Variants in LRCH1 observed in about 807,000 individuals in gnomAD.
The protein encoded by LRCH1 is leucine-rich repeat and calponin homology domain-containing protein 1.
LRCH1 carries 23 observed loss-of-function variants against 94.9 expected under a neutral mutation model. The ratio of observed to expected loss-of-function variants is 0.24; its 90% confidence interval spans 0.17 to 0.34. The LOEUF is 0.34. Among genes scored for constraint, LRCH1 ranks in the 10% least tolerant of loss-of-function variants. LRCH1 has a pLI of 1.00. For missense variants in LRCH1, 790 were observed against 945.9 expected, an observed-to-expected ratio of 0.84 and a Z score of 2.16; for synonymous variants, 364 against 354.9, an observed-to-expected ratio of 1.03 and a Z score of -0.29.
Position 46,601,875 on chromosome 13 carries a change from C to T in LRCH1, c.307+48172C>T, listed in dbSNP as rs1296622902. On this transcript the variant is annotated intron_variant, in intron 1 of 19. Transcript: ENST00000389797. ...CTGCCTAACTCTTGATATCCAGTGACTGAGTTGGACTTTGTAGCTGCTTTC... is the reference window on the plus strand; with the variant it reads ...CTGCCTAACTCTTGATATCCAGTGATTGAGTTGGACTTTGTAGCTGCTTTC... Among the ~76,000 whole-genome samples the T allele has an allele frequency of 2.6e-5, 4 of 152,136 alleles. No individual in the cohort carries two copies. The South Asian group carries it at 6.2e-4, about 24-fold the overall frequency.
At chr13:46,671,032 G>C (rs558064143) in intron 3 of LRCH1, among the ~76,000 whole-genome samples, 4 of 152,158 alleles carry the variant, frequency 2.6e-5, no homozygotes, top group Non-Finnish European at 5.9e-5. Context: ...GGCCTTCTGT[G>C]GTCAGGCCCC....
intron 2 of LRCH1, among the ~76,000 whole-genome samples, chr13:46,668,227 A>G (rs2051547248): frequency 6.6e-6 from 1 of 152,006 alleles, no homozygotes; most frequent in Non-Finnish European, 1.5e-5. Context: ...TTTATCTAGT[A>G]TTTTCCATCT....
chr13:46,696,124 T>G (rs1290011817), intron 9 of LRCH1, among the ~76,000 whole-genome samples: 2 of 152,052 alleles, frequency 1.3e-5, no homozygotes, highest in Admixed American at 6.6e-5. Context: ...TCACTTTGAT[T>G]ACTTCAGGCA....
intron 18 of LRCH1, among the ~76,000 whole-genome samples, 153 bp downstream of exon 18, chr13:46,729,137 T>G (rs1490003654): frequency 6.6e-6 from 1 of 152,192 alleles, no homozygotes; most frequent in African/African-American, 2.4e-5. Context: ...AATGAAAGAA[T>G]GGCCTTGAAT....
At chr13:46,740,351 C>T (rs1163473940) in intron 19 of LRCH1, among the ~76,000 whole-genome samples, 1 of 152,186 alleles carries the variant, frequency 6.6e-6, no homozygotes, top group Non-Finnish European at 1.5e-5. Flanking sequence ...TTAAGAGTAT[C>T]TCTAACTTCA....
At chr13:46,629,810 C>T (rs1353325796) in intron 1 of LRCH1, among the ~76,000 whole-genome samples, 4 of 152,218 alleles carry the variant, frequency 2.6e-5, no homozygotes, top group Non-Finnish European at 5.9e-5. Context: ...ACATGAACCA[C>T]AGTATCAGGG....
At chr13:46,727,520 T>C (rs1872880742) in intron 17 of LRCH1, among the ~76,000 whole-genome samples, 1 of 152,256 alleles carries the variant, frequency 6.6e-6, no homozygotes, top group Non-Finnish European at 1.5e-5. Flanking sequence ...TTTCTTTTTT[T>C]GAGACGGAGT....
downstream of LRCH1, among the ~76,000 whole-genome samples, chr13:46,747,288 A>C (rs905752242): frequency 1.3e-5 from 2 of 152,010 alleles, no homozygotes; most frequent in Non-Finnish European, 2.9e-5. Context: ...CAGTCTGTGA[A>C]GTGTCCAAAT....
At chr13:46,585,552 C>CAAAAAAA (rs35651253) in intron 1 of LRCH1, among the ~76,000 whole-genome samples, 3 of 82,114 alleles carry the variant, frequency 3.7e-5, no homozygotes, top group Non-Finnish European at 8.1e-5. Context: ...GACTGCATCT[C>CAAAAAAA]AAAAAAAAAA....
At chr13:46,598,545 C>T (rs186443567) in intron 1 of LRCH1, among the ~76,000 whole-genome samples, 525 of 150,718 alleles carry the variant, frequency 3.5e-3, no homozygotes, top group Middle Eastern at 0.01. Flanking sequence ...AAAAGTTGTC[C>T]ATCTTTCTAT....
chr13:46,597,677 C>T (rs984371215), intron 1 of LRCH1, among the ~76,000 whole-genome samples: 13 of 152,034 alleles, frequency 8.6e-5, no homozygotes, highest in Non-Finnish European at 4.4e-5. Context: ...TTTTTAAGTG[C>T]AAGAAGGCTG....
chr13:46,655,583 G>T (rs751651194), intron 2 of LRCH1, among the ~76,000 whole-genome samples: 7 of 152,136 alleles, frequency 4.6e-5, no homozygotes, highest in Non-Finnish European at 8.8e-5. Flanking sequence ...TTCCTATAGA[G>T]GAACCAACAC....
rs771365934 is a variant in LRCH1 at position 46,584,673 on chromosome 13, C to T, written c.307+30970C>T. On this transcript the variant is annotated intron_variant, in intron 1 of 19. Coordinates refer to ENST00000389797, the MANE Select transcript of LRCH1 (RefSeq NM_001164211.2). ...TTCTTAGGCTCTTTATCTGTACCTG[C>T]GTTGCTTTTGTCCCTTAAGGTTTTG... Among the ~76,000 whole-genome samples, 17 of 152,180 alleles carry T rather than the reference C, an allele frequency of 1.1e-4. 1 individual carries two copies. The highest frequency in any genetic ancestry group is 8.5e-4 in the Admixed American group (13 of 15,276).
chr13:46,584,970 CAT>C (rs10568199), intron 1 of LRCH1, among the ~76,000 whole-genome samples: 118,780 of 151,924 alleles, frequency 0.78, 46,607 homozygotes, highest in East Asian at 0.91. Context: ...AAACTACTTT[CAT>C]ACAACTAAGC....
intron 1 of LRCH1, among the ~76,000 whole-genome samples, chr13:46,646,128 G>A (rs940901954): frequency 2.0e-5 from 3 of 152,162 alleles, no homozygotes; most frequent in Admixed American, 6.5e-5. Context: ...CTAAACATTC[G>A]TGAAAGGAGT....
intron 15 of LRCH1, 48 bp downstream of exon 15, chr13:46,712,645 T>C: frequency 6.6e-7 from 1 of 1,514,998 alleles, no homozygotes; most frequent in Non-Finnish European, 9.2e-7. Context: ...CTCATTGCTT[T>C]CTCTTGAGCC....
At chr13:46,724,667 A>G (rs1192262844) in intron 17 of LRCH1, among the ~76,000 whole-genome samples, 2 of 152,212 alleles carry the variant, frequency 1.3e-5, no homozygotes, top group Non-Finnish European at 2.9e-5. Context: ...AAGGTTAATT[A>G]ACAGTATAGG....
chr13:46,588,585 T>G (rs1407774231), intron 1 of LRCH1, among the ~76,000 whole-genome samples: 1 of 142,416 alleles, frequency 7.0e-6, no homozygotes, highest in Non-Finnish European at 1.5e-5. Context: ...ATTTCGTTTC[T>G]CTCTCTCTGT....
At chr13:46,634,440 C>T (rs2051058070) in intron 1 of LRCH1, among the ~76,000 whole-genome samples, 1 of 152,214 alleles carries the variant, frequency 6.6e-6, no homozygotes, top group South Asian at 2.1e-4. Flanking sequence ...TACTGGCCAT[C>T]AATCCCATGT....
Sources: allele counts gnomAD v4.1 joint callset (sites outside exome capture counted in the v4.1 genomes callset), GRCh38; gene constraint gnomAD v4.1.1; transcripts MANE v1.5; gene names NCBI Gene and HGNC (gene_info 2026-07-23, HGNC 2026-07-21).